Variants in USH2A observed in about 807,000 individuals in gnomAD.
USH2A encodes usherin, also known as Usher syndrome 2A (autosomal recessive, mild).
In USH2A, 443 loss-of-function variants were observed where a neutral mutation model predicts 538.9. That is an observed-to-expected ratio of 0.82 (90% CI 0.76 to 0.89). USH2A has a LOEUF of 0.89. Ranked by LOEUF, USH2A falls within the 40% of genes least tolerant of loss-of-function variation. The pLI is 0.00. For synonymous variants in USH2A, 2,413 were observed against 2,273.5 expected (o/e 1.06, Z -1.75); for missense variants, 6,633 against 6,324.8 (o/e 1.05, Z -1.65).
intron 44 of USH2A, among the ~76,000 whole-genome samples, chr1:215,860,068 A>C (rs962790844): frequency 2.0e-5 from 3 of 152,194 alleles, no homozygotes; most frequent in Non-Finnish European, 4.4e-5. Context: ...TGGATTTTGC[A>C]TCTTTGCACA....
intron 27 of USH2A, among the ~76,000 whole-genome samples, chr1:216,075,265 T>C (rs965393615): frequency 1.7e-4 from 26 of 152,184 alleles, no homozygotes; most frequent in African/African-American, 5.5e-4. Context: ...TGAGCTCTAG[T>C]GCAGGGTCCT....
At chr1:216,135,351 A>G (rs895732590) in intron 21 of USH2A, among the ~76,000 whole-genome samples, 1 of 152,150 alleles carries the variant, frequency 6.6e-6, no homozygotes, top group African/African-American at 2.4e-5. Context: ...CTGTCCAGAT[A>G]CAAGCTATTA....
At chr1:216,128,434 T>C (rs2033302036) in intron 21 of USH2A, among the ~76,000 whole-genome samples, 1 of 152,064 alleles carries the variant, frequency 6.6e-6, no homozygotes, top group Non-Finnish European at 1.5e-5. Context: ...AAGTACTATT[T>C]TGAGATTAAG....
intron 32 of USH2A, among the ~76,000 whole-genome samples, chr1:216,038,837 A>C (rs2030124842): frequency 6.6e-6 from 1 of 152,072 alleles, no homozygotes; most frequent in African/African-American, 2.4e-5. Flanking sequence ...ACTGAAGGAC[A>C]TATTCCGTTA....
intron 32 of USH2A, among the ~76,000 whole-genome samples, chr1:216,010,286 C>T (rs190285425): frequency 2.8e-4 from 43 of 152,310 alleles, no homozygotes; most frequent in African/African-American, 8.7e-4. Context: ...GCTACAAGTG[C>T]CAGAAATCTG....
rs59817653 is a variant in USH2A, at chr1:216,010,375, C to G, written c.6326-9813G>C. On this transcript the variant is annotated intron_variant, in intron 32 of 71. Transcript: ENST00000307340. ...ATCTGTGCCGGACCCCACTGGAAAT[C>G]GGACTGTTCAGCTCACCTGGCAGCC... is the stretch of plus-strand genomic sequence containing the variant. Among the ~76,000 whole-genome samples, 191 of 152,216 alleles carry G rather than the reference C, an allele frequency of 1.3e-3. 1 individual carries two copies. The highest frequency in any genetic ancestry group is 1.0e-3 in the Admixed American group (16 of 15,300).
chr1:215,864,923 AT>A (rs1664431675), intron 44 of USH2A, among the ~76,000 whole-genome samples: 1 of 152,218 alleles, frequency 6.6e-6, no homozygotes, highest in African/African-American at 2.4e-5. Context: ...GAGGGTCATA[AT>A]AGACAAAGAC....
intron 35 of USH2A, among the ~76,000 whole-genome samples, chr1:215,973,198 C>G (rs1667536383): frequency 6.6e-6 from 1 of 152,118 alleles, no homozygotes; most frequent in African/African-American, 2.4e-5. Context: ...CAATAGTTCC[C>G]TTTTCTTACA....
intron 11 of USH2A, among the ~76,000 whole-genome samples, chr1:216,261,722 C>T (rs1340169778): frequency 2.6e-5 from 4 of 152,128 alleles, no homozygotes; most frequent in African/African-American, 9.7e-5. Context: ...AACAGCCTCA[C>T]TCCTGGTGAA....
intron 21 of USH2A, among the ~76,000 whole-genome samples, chr1:216,128,886 C>A (rs76391115): frequency 1.3e-5 from 2 of 151,900 alleles, no homozygotes; most frequent in African/African-American, 4.8e-5. Flanking sequence ...TACCCATTAC[C>A]GAACACTTCT....
At chr1:216,099,290 G>A (rs193249438) in intron 21 of USH2A, among the ~76,000 whole-genome samples, 2 of 152,012 alleles carry the variant, frequency 1.3e-5, no homozygotes, top group Non-Finnish European at 1.5e-5. Flanking sequence ...TCAGATTCAG[G>A]ATGCAGTCCT....
Position 216,246,617 on chromosome 1 carries a change from C to T in USH2A, c.2777G>A (p.Arg926His), listed in dbSNP as rs146916397. 6.0e-5 allele frequency: 97 copies of T among 1,613,896 alleles called. 1 individual carries two copies. Among genetic ancestry groups the T allele is most frequent in the Admixed American group, 1.7e-4 (10 of 59,978 alleles). Reference sequence around the variant, plus strand: ...ACACTGATTACACCTTCTTCCTTGACGATTAGGCACACACAGGCACTGGCC... The same window carrying T: ...ACACTGATTACACCTTCTTCCTTGATGATTAGGCACACACAGGCACTGGCC... ...ISGQCLCVPNRQGRRCNQCQP... is the reference protein window; with the variant it reads ...ISGQCLCVPNHQGRRCNQCQP... The change falls in exon 13 of 72, where the codon CGT (arginine) becomes CAT (histidine). Residue 926 changes from arginine to histidine, a missense_variant. By Grantham distance (29) the Arg-to-His change is conservative. Coordinates refer to ENST00000307340, the MANE Select transcript of USH2A (RefSeq NM_206933.4).
chr1:215,675,723 C>G (rs1346976003), intron 62 of USH2A, 107 bp from the exon 63 acceptor site: 1 of 1,580,972 alleles, frequency 6.3e-7, no homozygotes, highest in African/African-American at 1.3e-5. Context: ...TTTTGATGAC[C>G]CTAATTTAGA....
intron 44 of USH2A, among the ~76,000 whole-genome samples, chr1:215,852,998 T>A (rs1333684011): frequency 2.0e-5 from 3 of 152,172 alleles, no homozygotes; most frequent in Non-Finnish European, 4.4e-5. Flanking sequence ...ACAGTGGCCC[T>A]CTTCTTACAG....
intron 32 of USH2A, among the ~76,000 whole-genome samples, chr1:216,014,800 T>C (rs1328169802): frequency 6.6e-6 from 1 of 152,226 alleles, no homozygotes; most frequent in Non-Finnish European, 1.5e-5. Flanking sequence ...AAGCAAACTA[T>C]AATTTACAAT....
chr1:215,867,302 T>G (rs1664500735), intron 43 of USH2A, 132 bp from the exon 44 acceptor site: 2 of 986,170 alleles, frequency 2.0e-6, no homozygotes, highest in Admixed American at 2.5e-5. Context: ...TTTCTTTTCC[T>G]CCCTAGAAAA....
intron 61 of USH2A, among the ~76,000 whole-genome samples, chr1:215,712,014 A>C (rs1435316764): frequency 6.6e-6 from 1 of 152,222 alleles, no homozygotes; most frequent in Non-Finnish European, 1.5e-5. Context: ...TCCACTAATA[A>C]ATAATTATTG....
chr1:216,207,289 C>G lies in USH2A; in HGVS notation c.3300G>C (p.Glu1100Asp), dbSNP rs757734575. The G allele has an allele frequency of 6.2e-7, 1 of 1,613,958 alleles. No homozygotes were observed. Among genetic ancestry groups the G allele is most frequent in the Admixed American group, 1.7e-5 (1 of 60,008 alleles). ...TAAACTCACTGTATGGGTATTGATCCTCTGTTGTGTAGATTTCAAAACCAT... is the reference window on the plus strand; with the variant it reads ...TAAACTCACTGTATGGGTATTGATCGTCTGTTGTGTAGATTTCAAAACCAT... ...LRDGFEIYTT[E>D]DQYPYSIQYF... is the part of the protein sequence containing the mutation. The change falls in exon 16 of 72, where the codon GAG becomes GAC. Residue 1100 changes from glutamate to aspartate, a missense_variant. By Grantham distance (45) the Glu-to-Asp change is conservative. Transcript: ENST00000307340.
At chr1:215,784,593 G>T (rs890716623) in intron 52 of USH2A, among the ~76,000 whole-genome samples, 16 of 152,120 alleles carry the variant, frequency 1.1e-4, no homozygotes, top group African/African-American at 3.9e-4. Flanking sequence ...ATAAATAAAT[G>T]ATTGCATAAA....
Sources: gnomAD v4.1 joint callset for allele counts (sites outside exome capture counted in the v4.1 genomes callset) on GRCh38, gnomAD v4.1.1 for gene constraint, MANE v1.5 for transcripts, NCBI Gene and HGNC (gene_info 2026-07-23, HGNC 2026-07-21) for gene names.